MICU2: variants seen among roughly 807,000 people sequenced by gnomAD.
MICU2 encodes calcium uptake protein 2, mitochondrial.
A neutral mutation model predicts 60.4 loss-of-function variants in MICU2; 64 were observed. That is an observed-to-expected ratio of 1.06 (90% CI 0.87 to 1.31). The LOEUF (loss-of-function observed/expected upper bound fraction) is 1.31, where lower values mean the gene tolerates loss of function less well. MICU2 is among the 50% of genes most tolerant of loss of function. MICU2 has a pLI of 0.00. For synonymous variants in MICU2, 201 were observed against 175.0 expected (o/e 1.15, Z -1.17); for missense variants, 569 against 531.0 (o/e 1.07, Z -0.70).
chr13:21,589,283 C>T (rs564920732), intron 1 of MICU2, among the ~76,000 whole-genome samples: 43 of 152,296 alleles, frequency 2.8e-4, no homozygotes, highest in African/African-American at 8.9e-4. Flanking sequence ...TTCTTACTTC[C>T]CTCACAGCCG....
At chr13:21,531,616 TC>T (rs1419658213) in intron 4 of MICU2, among the ~76,000 whole-genome samples, 2 of 152,172 alleles carry the variant, frequency 1.3e-5, no homozygotes, top group African/African-American at 4.8e-5. Flanking sequence ...CATCAACTCT[TC>T]CTTCAGTAGT....
chr13:21,540,586 G>C (rs1317128328), intron 2 of MICU2, among the ~76,000 whole-genome samples: 1 of 152,052 alleles, frequency 6.6e-6, no homozygotes, highest in Non-Finnish European at 1.5e-5. Flanking sequence ...CTATTATTTG[G>C]TATTAGTAAA....
intron 2 of MICU2, among the ~76,000 whole-genome samples, chr13:21,545,114 A>G (rs1054459566): frequency 5.3e-5 from 8 of 152,312 alleles, no homozygotes; most frequent in African/African-American, 1.9e-4. Context: ...TCAATACATC[A>G]AAGAGGCATC....
rs114708224 is a variant in MICU2, at chr13:21,534,281, C to A, written c.466+5021G>T. ...AGTATAGCGGTACAATCGTGGCTCA[C>A]TGAAGCCAGCTTCTTAGGATCAAGT... On this transcript the variant is annotated intron_variant, in intron 4 of 11. Transcript: ENST00000382374. 2.8e-3 allele frequency among the ~76,000 whole-genome samples: 426 copies of A among 151,892 alleles called. 5 individuals are homozygous for A. Among genetic ancestry groups the A allele is most frequent in the African/African-American group, 9.7e-3 (400 of 41,440 alleles).
intron 1 of MICU2, among the ~76,000 whole-genome samples, chr13:21,586,258 GT>G (rs1260176736): frequency 2.0e-5 from 3 of 151,998 alleles, no homozygotes; most frequent in East Asian, 3.9e-4. Context: ...TTCACTATCC[GT>G]TTTTTTCTTT....
At chr13:21,564,680 TAA>T (rs991579062) in intron 2 of MICU2, among the ~76,000 whole-genome samples, 2 of 152,096 alleles carry the variant, frequency 1.3e-5, no homozygotes, top group African/African-American at 4.8e-5. Context: ...TGGGCTCCAG[TAA>T]AAAAGTTTCC....
chr13:21,569,907 CCCACTGTCTCAA>C (rs933983472), intron 1 of MICU2, among the ~76,000 whole-genome samples: 36 of 151,594 alleles, frequency 2.4e-4, no homozygotes, highest in African/African-American at 8.7e-4. Flanking sequence ...TGACATCAAC[CCCACTGTCTCAA>C]CCACGATCCT....
At chr13:21,592,620 C>A (rs1270129824) in intron 1 of MICU2, among the ~76,000 whole-genome samples, 1 of 152,244 alleles carries the variant, frequency 6.6e-6, no homozygotes, top group Non-Finnish European at 1.5e-5. Context: ...CAATAAAACA[C>A]TGGCAAACCC....
chr13:21,589,402 C>A (rs1888525581), intron 1 of MICU2, among the ~76,000 whole-genome samples: 1 of 152,152 alleles, frequency 6.6e-6, no homozygotes, highest in Non-Finnish European at 1.5e-5. Flanking sequence ...AACTATCCTC[C>A]ACCTTATCCA....
intron 2 of MICU2, among the ~76,000 whole-genome samples, chr13:21,565,079 G>A (rs771948523): frequency 1.2e-4 from 18 of 152,302 alleles, no homozygotes; most frequent in East Asian, 3.9e-4. Flanking sequence ...AATTCACAAC[G>A]TCCAAGTGCT....
chr13:21,558,486 C>G (rs1887762949), intron 2 of MICU2, among the ~76,000 whole-genome samples: 1 of 152,188 alleles, frequency 6.6e-6, no homozygotes, highest in Admixed American at 6.5e-5. Context: ...AATGTCCTCC[C>G]AATTACCTTT....
chr13:21,496,098 A>T lies in MICU2; in HGVS notation c.996T>A (p.Ala332=). The T allele has an allele frequency of 6.2e-7, 1 of 1,614,150 alleles. No individual in the cohort carries two copies. The highest frequency in any genetic ancestry group is 1.7e-5 in the Admixed American group (1 of 60,030). The change falls in exon 10 of 12, where the codon GCT becomes GCA. Residue 332 remains alanine, a synonymous_variant. Coordinates refer to ENST00000382374, the MANE Select transcript of MICU2 (RefSeq NM_152726.3). ...CTAAACTGAACATCTGCATGGCAAT[A>T]GCAAAGTCTTCCAAGTGGGTTGTAA... ...CHFTTHLEDF[A]IAMQMFSLAH...
At chr13:21,577,865 G>A (rs1202805107) in intron 1 of MICU2, among the ~76,000 whole-genome samples, 3 of 148,652 alleles carry the variant, frequency 2.0e-5, no homozygotes, top group African/African-American at 7.5e-5. Context: ...TATAGTCCTA[G>A]CCACTGAGGA....
intron 2 of MICU2, among the ~76,000 whole-genome samples, chr13:21,561,789 C>A (rs1185144821): frequency 6.9e-6 from 1 of 144,182 alleles, no homozygotes; most frequent in Non-Finnish European, 1.5e-5. Flanking sequence ...TATACATGTG[C>A]CATGCTGGTG....
At chr13:21,598,624 G>C (rs560008144) in intron 1 of MICU2, among the ~76,000 whole-genome samples, 1 of 152,252 alleles carries the variant, frequency 6.6e-6, no homozygotes, top group Admixed American at 6.5e-5. Context: ...GCTGAGACCA[G>C]AGAATTGCTT....
At chr13:21,554,330 G>A (rs1163512301) in intron 2 of MICU2, among the ~76,000 whole-genome samples, 1 of 152,104 alleles carries the variant, frequency 6.6e-6, no homozygotes, top group African/African-American at 2.4e-5. Context: ...ATAACAAACT[G>A]TCTCTCAGAT....
At chr13:21,497,983 G>C (rs532566157) in intron 9 of MICU2, among the ~76,000 whole-genome samples, 2 of 152,188 alleles carry the variant, frequency 1.3e-5, no homozygotes, top group South Asian at 4.1e-4. Flanking sequence ...TCAAACTCCT[G>C]GGCTCAAGTG....
chr13:21,593,511 A>C (rs936563625), intron 1 of MICU2, among the ~76,000 whole-genome samples: 12 of 137,340 alleles, frequency 8.7e-5, no homozygotes, highest in Admixed American at 1.6e-4. Context: ...TAAAAAAAAA[A>C]CACAAAAACT....
intron 10 of MICU2, 36 bp downstream of exon 10, chr13:21,496,016 G>T: frequency 1.4e-6 from 2 of 1,436,818 alleles, no homozygotes; most frequent in Non-Finnish European, 1.9e-6. Flanking sequence ...ACTGTTTATA[G>T]ATGATAAAAA....
Sources: gnomAD v4.1 joint callset for allele counts (sites outside exome capture counted in the v4.1 genomes callset) on GRCh38, gnomAD v4.1.1 for gene constraint, MANE v1.5 for transcripts, NCBI Gene and HGNC (gene_info 2026-07-23, HGNC 2026-07-21) for gene names.